NTM: variants seen among roughly 807,000 people sequenced by gnomAD.
NTM encodes IgLON family member 2.
A neutral mutation model predicts 42.1 loss-of-function variants in NTM; 13 were observed. The ratio of observed to expected loss-of-function variants is 0.31; its 90% CI spans 0.20 to 0.49. The LOEUF (loss-of-function observed/expected upper bound fraction) is 0.49, where lower values mean the gene tolerates loss of function less well. NTM is among the 20% of genes least tolerant of loss of function. The probability of loss-of-function intolerance (pLI) is 0.99; values close to 1 mark genes in which losing one functional copy is unlikely to be tolerated. For missense variants in NTM, 373 were observed against 452.8 expected, an observed-to-expected ratio of 0.82 and a Z score of 1.60; for synonymous variants, 187 against 179.2, an observed-to-expected ratio of 1.04 and a Z score of -0.35.
chr11:131,418,188 G>A (rs1394668685), intron 1 of NTM, among the ~76,000 whole-genome samples: 1 of 152,158 alleles, frequency 6.6e-6, no homozygotes, highest in Admixed American at 6.5e-5. Context: ...TAGACTGATA[G>A]AGACCTTTAA....
intron 3 of NTM, among the ~76,000 whole-genome samples, chr11:132,199,319 C>A (rs1263905209): frequency 6.6e-6 from 1 of 152,158 alleles, no homozygotes; most frequent in Non-Finnish European, 1.5e-5. Context: ...GTTAAAGATA[C>A]AAAGGGTCTT....
chr11:132,208,600 A>G (rs2082347108), intron 3 of NTM, among the ~76,000 whole-genome samples: 1 of 152,162 alleles, frequency 6.6e-6, no homozygotes, highest in South Asian at 2.1e-4. Context: ...CTCTGGCCCA[A>G]ACCACCTTCT....
At chr11:132,063,817 T>C (rs2081044338) in intron 2 of NTM, among the ~76,000 whole-genome samples, 1 of 152,150 alleles carries the variant, frequency 6.6e-6, no homozygotes, top group East Asian at 1.9e-4. Flanking sequence ...CTCCACTTCA[T>C]CTCCTCTACA....
At chr11:131,508,772 A>T (rs12799688) in intron 1 of NTM, among the ~76,000 whole-genome samples, 35,553 of 145,764 alleles carry the variant, frequency 0.24, 2,648 homozygotes, top group Middle Eastern at 0.33. Context: ...ATTCTCAGTA[A>T]ACTATCGCAA....
intron 2 of NTM, among the ~76,000 whole-genome samples, chr11:132,029,061 G>A (rs1273313366): frequency 3.8e-5 from 1 of 26,288 alleles, no homozygotes; most frequent in African/African-American, 5.0e-4. Context: ...GGTTGGTGTG[G>A]GTTTTTTTTT....
chr11:131,777,897 C>A (rs1191574875), intron 1 of NTM, among the ~76,000 whole-genome samples: 1 of 151,994 alleles, frequency 6.6e-6, no homozygotes, highest in African/African-American at 2.4e-5. Flanking sequence ...TAGCTATGAG[C>A]AAAAATGTTT....
chr11:132,071,704 G>T (rs1263652795), intron 2 of NTM, among the ~76,000 whole-genome samples: 1 of 152,116 alleles, frequency 6.6e-6, no homozygotes, highest in Non-Finnish European at 1.5e-5. Flanking sequence ...GAACCTCCCA[G>T]AATTATATGG....
chr11:132,118,817 A>G (rs1419253973), intron 2 of NTM, among the ~76,000 whole-genome samples: 1 of 152,176 alleles, frequency 6.6e-6, no homozygotes, highest in African/African-American at 2.4e-5. Context: ...TAATTGCTTC[A>G]AATGAAGTAA....
chr11:131,566,795 A>G (rs1486733807), intron 1 of NTM, among the ~76,000 whole-genome samples: 1 of 152,124 alleles, frequency 6.6e-6, no homozygotes, highest in African/African-American at 2.4e-5. Flanking sequence ...AAAAAGAGAG[A>G]GGGGGAAGAG....
At chr11:131,911,388 C>T (rs989075509) in intron 1 of NTM, 176 bp from the exon 2 acceptor site, 6 of 1,582,162 alleles carry the variant, frequency 3.8e-6, no homozygotes, top group East Asian at 2.3e-5. Context: ...GCTCAGTCCC[C>T]GCGCTCGCTC....
chr11:132,112,639 G>A (rs1015295880), intron 2 of NTM, among the ~76,000 whole-genome samples: 2 of 151,642 alleles, frequency 1.3e-5, no homozygotes, highest in Admixed American at 6.6e-5. Context: ...TAATCATGAC[G>A]TCCCCCCGGG....
At chr11:132,332,281 T>C (rs1018855314) in intron 8 of NTM, 9 of 152,620 alleles carry the variant, frequency 5.9e-5, no homozygotes, top group African/African-American at 1.7e-4. Flanking sequence ...GTGTCCTGGA[T>C]GTGCTGCTGA....
chr11:131,386,308 G>A (rs1398421475), intron 1 of NTM, among the ~76,000 whole-genome samples: 1 of 152,178 alleles, frequency 6.6e-6, no homozygotes, highest in Non-Finnish European at 1.5e-5. Flanking sequence ...TGGGAGGAGG[G>A]AAACAGGGAG....
intron 1 of NTM, among the ~76,000 whole-genome samples, chr11:131,828,910 A>G (rs571552743): frequency 1.3e-5 from 2 of 151,992 alleles, no homozygotes; most frequent in Non-Finnish European, 2.9e-5. Context: ...TAGCCTTATG[A>G]CTACTTACCC....
chr11:132,062,164 CA>C (rs2080787284), intron 2 of NTM, among the ~76,000 whole-genome samples: 1 of 152,062 alleles, frequency 6.6e-6, no homozygotes, highest in African/African-American at 2.4e-5. Flanking sequence ...ACCCCAGGTG[CA>C]AAAAATTTAC....
chr11:132,187,470 A>G (rs2078616240), intron 3 of NTM, among the ~76,000 whole-genome samples: 1 of 152,174 alleles, frequency 6.6e-6, no homozygotes, highest in Non-Finnish European at 1.5e-5. Context: ...GCAGCCTGAT[A>G]AAAGGCTCTA....
chr11:131,611,870 T>G (rs760884266), intron 1 of NTM, among the ~76,000 whole-genome samples: 7 of 152,202 alleles, frequency 4.6e-5, no homozygotes, highest in Non-Finnish European at 1.0e-4. Context: ...TTTCTGAAGA[T>G]GGTCAGAAGT....
intron 1 of NTM, among the ~76,000 whole-genome samples, chr11:131,407,727 A>G (rs1945952825): frequency 6.6e-6 from 1 of 152,212 alleles, no homozygotes; most frequent in South Asian, 2.1e-4. Flanking sequence ...TTCCTAGGAC[A>G]TTCTTGCCCT....
intron 2 of NTM, among the ~76,000 whole-genome samples, chr11:131,990,986 A>T (rs2135107521): frequency 6.6e-6 from 1 of 152,278 alleles, no homozygotes; most frequent in African/African-American, 2.4e-5. Flanking sequence ...CCTGAACAAG[A>T]ACACTGACTT....
Sources: gnomAD v4.1 joint callset for allele counts (sites outside exome capture counted in the v4.1 genomes callset) on GRCh38, gnomAD v4.1.1 for gene constraint, MANE v1.5 for transcripts, NCBI Gene and HGNC (gene_info 2026-07-23, HGNC 2026-07-21) for gene names.